The following SIL1 variants were observed in gnomAD, a reference collection of about 807,000 sequenced individuals.
SIL1 encodes the protein SIL1 nucleotide exchange factor, also known as nucleotide exchange factor SIL1.
A neutral mutation model predicts 49.1 loss-of-function variants in SIL1; 40 were observed. The ratio of observed to expected loss-of-function variants is 0.81; its 90% CI spans 0.63 to 1.06. SIL1 has a LOEUF of 1.06. Ranked by LOEUF, SIL1 falls within the 50% of genes least tolerant of loss-of-function variation. The pLI is 0.00. For synonymous variants in SIL1, 253 were observed against 250.8 expected, an observed-to-expected ratio of 1.01 and a Z score of -0.08; for missense variants, 500 against 572.6, an observed-to-expected ratio of 0.87 and a Z score of 1.29.
chr5:139,111,103 C>T (rs1439533172), intron 3 of SIL1, among the ~76,000 whole-genome samples: 1 of 152,210 alleles, frequency 6.6e-6, no homozygotes, highest in Non-Finnish European at 1.5e-5. Context: ...GTTCTGACCT[C>T]TTGGTTGTCC....
intron 4 of SIL1, among the ~76,000 whole-genome samples, chr5:139,048,801 A>C (rs1769226745): frequency 1.3e-5 from 2 of 152,258 alleles, no homozygotes; most frequent in South Asian, 4.1e-4. Context: ...TGTGGACGAA[A>C]GAAGTTTGGC....
intron 3 of SIL1, among the ~76,000 whole-genome samples, chr5:139,089,346 C>T (rs1382242582): frequency 6.6e-6 from 1 of 152,128 alleles, no homozygotes; most frequent in Non-Finnish European, 1.5e-5. Flanking sequence ...TCAGTGGAGG[C>T]CTGGCCTTCT....
At chr5:139,152,804 C>T (rs1316665532) in intron 1 of SIL1, among the ~76,000 whole-genome samples, 1 of 152,086 alleles carries the variant, frequency 6.6e-6, no homozygotes, top group Non-Finnish European at 1.5e-5. Context: ...ACATCAGCAG[C>T]TTCATCTCTT....
chr5:139,063,023 CAATG>C (rs1315507549), intron 3 of SIL1, among the ~76,000 whole-genome samples: 2 of 152,176 alleles, frequency 1.3e-5, no homozygotes, highest in Non-Finnish European at 2.9e-5. Context: ...TTCAAGCAAG[CAATG>C]AGGAACTCCA....
intron 3 of SIL1, among the ~76,000 whole-genome samples, chr5:139,090,958 G>A (rs1770329952): frequency 6.6e-6 from 1 of 152,024 alleles, no homozygotes; most frequent in Non-Finnish European, 1.5e-5. Context: ...CAGACATACT[G>A]AAAAAGGTAA....
intron 1 of SIL1, among the ~76,000 whole-genome samples, chr5:139,185,838 T>C (rs979340928): frequency 1.3e-5 from 2 of 152,192 alleles, no homozygotes; most frequent in African/African-American, 2.4e-5. Flanking sequence ...TTAGGGACTA[T>C]GAAAAAAATG....
At chr5:139,159,106 A>G (rs940007939) in intron 1 of SIL1, among the ~76,000 whole-genome samples, 13 of 149,748 alleles carry the variant, frequency 8.7e-5, no homozygotes, top group East Asian at 2.0e-4. Context: ...AGAGAGAGGG[A>G]AAAAAAAAAA....
chr5:139,131,377 G>A (rs1013605413), intron 1 of SIL1, among the ~76,000 whole-genome samples: 2 of 151,998 alleles, frequency 1.3e-5, no homozygotes, highest in Admixed American at 6.6e-5. Flanking sequence ...CCCAAAGCGT[G>A]CCTGAACCCA....
intron 7 of SIL1, among the ~76,000 whole-genome samples, chr5:138,993,578 C>A (rs909835473): frequency 6.6e-6 from 1 of 152,136 alleles, no homozygotes; most frequent in African/African-American, 2.4e-5. Flanking sequence ...GATTACACTA[C>A]GTAAGACGGT....
At chr5:139,193,085 C>T (rs1349601987) in intron 1 of SIL1, among the ~76,000 whole-genome samples, 2 of 150,796 alleles carry the variant, frequency 1.3e-5, no homozygotes, top group Admixed American at 6.6e-5. Context: ...AAAAACTGGC[C>T]TTGATGACTA....
In SIL1 at chr5:138,951,298, G is replaced by A. The variant is rs1478296366; in HGVS notation, c.902C>T (p.Pro301Leu). 7 of 1,564,446 alleles carry A rather than the reference G, an allele frequency of 4.5e-6. No individual in the cohort carries two copies. In the African/African-American group the frequency reaches 9.5e-5, roughly 21 times the overall value. The change falls in exon 9 of 10, where the codon CCC becomes CTC. Residue 301 changes from proline to leucine, a missense_variant. Coordinates refer to ENST00000394817, the MANE Select transcript of SIL1 (RefSeq NM_022464.5). ...CTTCAGGAACTGCCGCTGGGCATAG[G>A]GGAAGTGGCGCAGCAGGGAGCACAG... ...FALCSLLRHF[P>L]YAQRQFLKLG...
chr5:139,130,615 T>G (rs1434059366), intron 1 of SIL1, among the ~76,000 whole-genome samples: 2 of 152,196 alleles, frequency 1.3e-5, no homozygotes, highest in Admixed American at 6.5e-5. Context: ...GTCCCGGCAA[T>G]TCCACTCCTA....
At chr5:139,048,933 T>C (rs1445851197) in intron 4 of SIL1, among the ~76,000 whole-genome samples, 1 of 152,194 alleles carries the variant, frequency 6.6e-6, no homozygotes, top group Non-Finnish European at 1.5e-5. Context: ...GAAAGATCCT[T>C]CCCAATTTGG....
At chr5:139,024,241 A>T (rs1175909634) in intron 6 of SIL1, among the ~76,000 whole-genome samples, 1 of 152,238 alleles carries the variant, frequency 6.6e-6, no homozygotes, top group East Asian at 1.9e-4. Flanking sequence ...TGAGTTGGCA[A>T]ATAACCCCTT....
chr5:139,010,045 T>C (rs1279506024), intron 7 of SIL1, among the ~76,000 whole-genome samples: 3 of 148,976 alleles, frequency 2.0e-5, no homozygotes, highest in South Asian at 4.3e-4. Flanking sequence ...CTGGATAATA[T>C]CCTGCAGAGT....
At chr5:139,002,896 T>C (rs1241582113) in intron 7 of SIL1, among the ~76,000 whole-genome samples, 1 of 152,184 alleles carries the variant, frequency 6.6e-6, no homozygotes, top group African/African-American at 2.4e-5. Context: ...TTCTTCAAAG[T>C]GTCCTTAGGT....
chr5:139,030,115 G>A (rs567042344), intron 5 of SIL1, among the ~76,000 whole-genome samples: 2 of 151,950 alleles, frequency 1.3e-5, no homozygotes, highest in South Asian at 4.2e-4. Flanking sequence ...CCAGGAGTTC[G>A]AGAACAGCCT....
At chr5:139,074,390 A>G (rs7722304) in intron 3 of SIL1, among the ~76,000 whole-genome samples, 1 of 152,208 alleles carries the variant, frequency 6.6e-6, no homozygotes, top group Non-Finnish European at 1.5e-5. Flanking sequence ...TTGTACATGG[A>G]AAATACATAC....
chr5:139,087,052 C>T (rs1452270264), intron 3 of SIL1, among the ~76,000 whole-genome samples: 2 of 151,878 alleles, frequency 1.3e-5, no homozygotes, highest in African/African-American at 4.8e-5. Flanking sequence ...AGGCTGGACT[C>T]GAACTCCTGG....
Sources: gnomAD v4.1 joint callset for allele counts (sites outside exome capture counted in the v4.1 genomes callset) on GRCh38, gnomAD v4.1.1 for gene constraint, MANE v1.5 for transcripts, NCBI Gene and HGNC (gene_info 2026-07-23, HGNC 2026-07-21) for gene names.